PLCL1: variants seen among roughly 807,000 people sequenced by gnomAD.
The protein encoded by PLCL1 is inactive phospholipase C-like protein 1.
In PLCL1, 41 loss-of-function variants were observed where a neutral mutation model predicts 84.4. The observed-to-expected ratio is 0.49, with a 90% CI of 0.38 to 0.63. The LOEUF is 0.63. Among genes scored for constraint, PLCL1 ranks in the 30% least tolerant of loss-of-function variants. PLCL1 has a pLI of 0.00. For synonymous variants in PLCL1, 490 were observed against 488.3 expected (o/e 1.00, Z -0.05); for missense variants, 1,206 against 1,367.8 (o/e 0.88, Z 1.87).
At chr2:197,820,086 G>A (rs925131844) in intron 1 of PLCL1, among the ~76,000 whole-genome samples, 2 of 152,000 alleles carry the variant, frequency 1.3e-5, no homozygotes, top group Non-Finnish European at 2.9e-5. Flanking sequence ...GGATTGTTTT[G>A]CAATAAAAGC....
chr2:198,099,132 C>A (rs373322410), intron 3 of PLCL1, among the ~76,000 whole-genome samples: 1 of 152,098 alleles, frequency 6.6e-6, no homozygotes, highest in Non-Finnish European at 1.5e-5. Flanking sequence ...TAAATCAGGC[C>A]ACTGCCAGAT....
intron 1 of PLCL1, among the ~76,000 whole-genome samples, chr2:197,897,151 T>C (rs996427522): frequency 2.1e-3 from 66 of 32,108 alleles, no homozygotes; most frequent in Non-Finnish European, 1.9e-3. Context: ...CTTCTTCTTC[T>C]TCTTCTTCTT....
At chr2:198,043,779 TA>T (rs1691722445) in intron 1 of PLCL1, among the ~76,000 whole-genome samples, 1 of 151,804 alleles carries the variant, frequency 6.6e-6, no homozygotes, top group Admixed American at 6.6e-5. Context: ...TTGAGCAGAG[TA>T]AGTCCAAATC....
At chr2:197,909,838 A>T (rs1228178515) in intron 1 of PLCL1, among the ~76,000 whole-genome samples, 1 of 152,206 alleles carries the variant, frequency 6.6e-6, no homozygotes, top group African/African-American at 2.4e-5. Flanking sequence ...TGGACCCTCA[A>T]TTCTGGCTTT....
At chr2:198,072,834 G>C (rs1237171627) in intron 1 of PLCL1, among the ~76,000 whole-genome samples, 1 of 151,910 alleles carries the variant, frequency 6.6e-6, no homozygotes, top group Non-Finnish European at 1.5e-5. Context: ...CTGACTTTTT[G>C]AAGAATATAT....
At chr2:198,048,676 T>A (rs1691860865) in intron 1 of PLCL1, among the ~76,000 whole-genome samples, 1 of 152,186 alleles carries the variant, frequency 6.6e-6, no homozygotes, top group Admixed American at 6.5e-5. Context: ...CTCATTACCA[T>A]GGGGAGGACA....
intron 1 of PLCL1, among the ~76,000 whole-genome samples, chr2:198,047,296 G>T (rs1206545810): frequency 6.6e-6 from 1 of 152,046 alleles, no homozygotes; most frequent in East Asian, 1.9e-4. Context: ...TGAATCTCCC[G>T]CCTCAGCCTC....
At chr2:198,071,042 T>A (rs1159965735) in intron 1 of PLCL1, 1 of 881,800 alleles carries the variant, frequency 1.1e-6, no homozygotes, top group Non-Finnish European at 1.4e-6. Flanking sequence ...AATGGTAAGC[T>A]CTCAAGCTCT....
At chr2:197,907,824 A>C (rs1314145419) in intron 1 of PLCL1, among the ~76,000 whole-genome samples, 1 of 152,170 alleles carries the variant, frequency 6.6e-6, no homozygotes, top group Non-Finnish European at 1.5e-5. Flanking sequence ...CTGAGAGCTA[A>C]ACTGCTAATG....
chr2:198,053,887 T>C (rs891770089), intron 1 of PLCL1, among the ~76,000 whole-genome samples: 13 of 152,312 alleles, frequency 8.5e-5, no homozygotes, highest in African/African-American at 2.6e-4. Flanking sequence ...GTGTAGAGCA[T>C]GTCAAAGAAG....
In PLCL1 at chr2:198,064,224, C is replaced by A. The variant is rs1412412873; in HGVS notation, c.241-19534C>A. On this transcript the variant is annotated intron_variant, in intron 1 of 5. Coordinates refer to ENST00000428675, the MANE Select transcript of PLCL1 (RefSeq NM_006226.4). ...AATTAACAAAACTAAAACATAAGTC[C>A]CTAGTCCTCCAAGTTCCATTATAGT... Among the ~76,000 whole-genome samples, 4 of 151,876 alleles carry A rather than the reference C, an allele frequency of 2.6e-5. No homozygotes were observed. The South Asian group carries it at 8.3e-4, about 31-fold the overall frequency.
rs537017029 is a variant in PLCL1 at position 197,989,730 on chromosome 2, CA to C, written c.241-94018del. 9.7e-3 allele frequency among the ~76,000 whole-genome samples: 1,423 copies of C among 146,686 alleles called. 21 individuals are homozygous for C. Among genetic ancestry groups the C allele is most frequent in the African/African-American group, 0.033 (1,341 of 40,040 alleles). ...AAACAAAACAAAACAAAACAAAAAA[CA>C]AAAAAAAAAGTGTTTTGGGATGGAT... On this transcript the variant is annotated intron_variant, in intron 1 of 5. Transcript: ENST00000428675.
chr2:197,981,806 A>G (rs1690113711), intron 1 of PLCL1, among the ~76,000 whole-genome samples: 1 of 152,212 alleles, frequency 6.6e-6, no homozygotes, highest in Admixed American at 6.5e-5. Context: ...ACTGCAGGAA[A>G]GAAGCTTAGA....
At chr2:198,037,411 C>T (rs966925928) in intron 1 of PLCL1, among the ~76,000 whole-genome samples, 1 of 152,214 alleles carries the variant, frequency 6.6e-6, no homozygotes, top group Non-Finnish European at 1.5e-5. Flanking sequence ...TAATGTCCTG[C>T]AATAAAGGAA....
intron 1 of PLCL1, among the ~76,000 whole-genome samples, chr2:197,815,583 A>G (rs1348264230): frequency 3.9e-5 from 6 of 152,158 alleles, no homozygotes; most frequent in Non-Finnish European, 7.4e-5. Flanking sequence ...GTTGCTATAG[A>G]TAGTGATTCA....
chr2:197,900,764 T>A (rs563295921), intron 1 of PLCL1, among the ~76,000 whole-genome samples: 1 of 152,350 alleles, frequency 6.6e-6, no homozygotes, highest in Admixed American at 6.5e-5. Flanking sequence ...AATAATGTTT[T>A]TTCAAAACAA....
intron 1 of PLCL1, among the ~76,000 whole-genome samples, chr2:197,806,010 T>C (rs987882339): frequency 6.6e-6 from 1 of 152,214 alleles, no homozygotes; most frequent in African/African-American, 2.4e-5. Flanking sequence ...TTTCTCTCCA[T>C]CCATTTGGCA....
At chr2:197,950,204 G>T (rs757836448) in intron 1 of PLCL1, among the ~76,000 whole-genome samples, 1 of 152,150 alleles carries the variant, frequency 6.6e-6, no homozygotes, top group Admixed American at 6.5e-5. Context: ...TGACTCAGGG[G>T]CCTCTCCACT....
At chr2:197,848,638 C>A (rs1486934687) in intron 1 of PLCL1, among the ~76,000 whole-genome samples, 1 of 152,168 alleles carries the variant, frequency 6.6e-6, no homozygotes, top group East Asian at 1.9e-4. Flanking sequence ...GGCAAGTTAT[C>A]TAAGACAGAT....
Sources: gnomAD v4.1 joint callset for allele counts (sites outside exome capture counted in the v4.1 genomes callset) on GRCh38, gnomAD v4.1.1 for gene constraint, MANE v1.5 for transcripts, NCBI Gene and HGNC (gene_info 2026-07-23, HGNC 2026-07-21) for gene names.